ANXA3: variants seen among roughly 807,000 people sequenced by gnomAD.
ANXA3 encodes annexin A3, also known as 35-alpha calcimedin.
In ANXA3, 46 loss-of-function variants were observed where a neutral mutation model predicts 48.8. The observed-to-expected ratio is 0.94, with a 90% CI of 0.74 to 1.21. The LOEUF (loss-of-function observed/expected upper bound fraction) is 1.21, where lower values mean the gene tolerates loss of function less well. ANXA3 is among the 50% of genes most tolerant of loss of function. The pLI is 0.00. For synonymous variants in ANXA3, 128 were observed against 134.7 expected, an observed-to-expected ratio of 0.95 and a Z score of 0.35; for missense variants, 383 against 378.6, an observed-to-expected ratio of 1.01 and a Z score of -0.10.
intron 11 of ANXA3, chr4:78,603,439 G>A (rs1362308966): frequency 6.6e-6 from 1 of 152,082 alleles, no homozygotes; most frequent in Non-Finnish European, 1.5e-5. Context: ...ATTTACATAA[G>A]CAACTCTCAA....
At chr4:78,562,561 A>G (rs1722647591) in intron 2 of ANXA3, among the ~76,000 whole-genome samples, 1 of 152,236 alleles carries the variant, frequency 6.6e-6, no homozygotes, top group South Asian at 2.1e-4. Flanking sequence ...GCAGAACAAG[A>G]AAGCATTTTT....
At chr4:78,555,048 A>G (rs571728947) in intron 2 of ANXA3, among the ~76,000 whole-genome samples, 3 of 152,288 alleles carry the variant, frequency 2.0e-5, no homozygotes, top group African/African-American at 4.8e-5. Context: ...TCTACTAGAA[A>G]TACAAAAATA....
At chr4:78,566,324 C>T (rs1053690599) in intron 2 of ANXA3, among the ~76,000 whole-genome samples, 26 of 152,130 alleles carry the variant, frequency 1.7e-4, no homozygotes, top group Admixed American at 8.5e-4. Context: ...CTGACACTGC[C>T]CTGATGATGA....
At chr4:78,597,446 C>G in intron 10 of ANXA3, 32 bp downstream of exon 10, 1 of 1,421,092 alleles carries the variant, frequency 7.0e-7, no homozygotes, top group South Asian at 1.2e-5. Context: ...AACTAAGTTA[C>G]TTTGCACTTG....
chr4:78,583,053 G>A (rs1207765385), intron 5 of ANXA3, among the ~76,000 whole-genome samples: 1 of 152,088 alleles, frequency 6.6e-6, no homozygotes, highest in African/African-American at 2.4e-5. Context: ...AAGATTTATT[G>A]TAAGGCCAGG....
At chr4:78,556,905 G>A (rs1175550602) in intron 2 of ANXA3, among the ~76,000 whole-genome samples, 2 of 151,996 alleles carry the variant, frequency 1.3e-5, no homozygotes, top group Non-Finnish European at 2.9e-5. Context: ...TGTGATCAAG[G>A]GTGTATTCAT....
intron 5 of ANXA3, among the ~76,000 whole-genome samples, chr4:78,585,835 C>T (rs1359029095): frequency 6.6e-6 from 1 of 152,190 alleles, no homozygotes; most frequent in Non-Finnish European, 1.5e-5. Flanking sequence ...ATTTGAAAGG[C>T]TCCCTGTATG....
intron 1 of ANXA3, 65 bp from the exon 2 acceptor site, chr4:78,554,371 G>A (rs1173738570): frequency 4.5e-6 from 5 of 1,121,872 alleles, no homozygotes; most frequent in South Asian, 3.8e-5. Context: ...ATTAAGGGTT[G>A]GACTAAGATT....
intron 4 of ANXA3, among the ~76,000 whole-genome samples, chr4:78,581,734 T>A (rs1192602212): frequency 1.3e-5 from 2 of 152,328 alleles, no homozygotes; most frequent in African/African-American, 2.4e-5. Flanking sequence ...CAGAGACAAA[T>A]GACCAGCCAC....
intron 12 of ANXA3, among the ~76,000 whole-genome samples, chr4:78,604,892 G>A (rs58089913): frequency 0.11 from 16,856 of 152,138 alleles, 1,572 homozygotes; most frequent in East Asian, 0.28. Flanking sequence ...AACAAACAGA[G>A]GCTTCCAGTT....
At chr4:78,601,661 T>C in intron 11 of ANXA3, 93 bp downstream of exon 11, 1 of 1,073,642 alleles carries the variant, frequency 9.3e-7, no homozygotes. Context: ...AAATTAGTTA[T>C]TTTAATGTAA....
At chr4:78,575,083 T>G (rs757292820) in intron 3 of ANXA3, among the ~76,000 whole-genome samples, 40 of 152,226 alleles carry the variant, frequency 2.6e-4, no homozygotes, top group Non-Finnish European at 4.7e-4. Flanking sequence ...TTATACTGCA[T>G]GTGTGTTTGT....
At chr4:78,565,487 A>C (rs1258236022) in intron 2 of ANXA3, among the ~76,000 whole-genome samples, 1 of 152,206 alleles carries the variant, frequency 6.6e-6, no homozygotes, top group East Asian at 1.9e-4. Context: ...TTGCTGATAG[A>C]TGGAATTCAG....
At chr4:78,569,319 CACTG>C (rs1223083097) in intron 2 of ANXA3, among the ~76,000 whole-genome samples, 2 of 152,042 alleles carry the variant, frequency 1.3e-5, no homozygotes, top group Admixed American at 6.5e-5. Context: ...TCTACGCTAG[CACTG>C]ACTATGTTAG....
intron 2 of ANXA3, among the ~76,000 whole-genome samples, chr4:78,569,219 A>G (rs1321571379): frequency 6.6e-6 from 1 of 152,216 alleles, no homozygotes; most frequent in African/African-American, 2.4e-5. Flanking sequence ...AAAGGAAAGC[A>G]ACTAAATGTG....
At position 78,595,453 on chromosome 4, in the gene ANXA3, G is replaced by A; in HGVS notation, c.540+16G>A. 2 of 1,612,484 alleles carry A rather than the reference G, an allele frequency of 1.2e-6. No homozygotes were observed. The highest frequency in any genetic ancestry group is 1.3e-5 in the African/African-American group (1 of 74,900). ...AGATGCCCAGGTCAGTAACAAAGCG[G>A]GAAAACATTTCCTTTACCTATTCTC... On this transcript the variant is annotated intron_variant, in intron 8 of 12. Coordinates refer to ENST00000264908, the MANE Select transcript of ANXA3 (RefSeq NM_005139.3).
intron 2 of ANXA3, among the ~76,000 whole-genome samples, chr4:78,559,285 G>A (rs1722578875): frequency 6.6e-6 from 1 of 152,080 alleles, no homozygotes; most frequent in African/African-American, 2.4e-5. Flanking sequence ...AATTCACTGT[G>A]TTGCCCAGGC....
At chr4:78,604,427 C>T in intron 12 of ANXA3, 28 bp downstream of exon 12, 1 of 1,576,252 alleles carries the variant, frequency 6.3e-7, no homozygotes, top group South Asian at 1.1e-5. Context: ...AATAGCAAAA[C>T]ATATTTTGCC....
rs111802701 is a variant in ANXA3, at chr4:78,561,229, G to T, written c.15+6741G>T. ...TGATCAAGTGTTCATGGTGAGAGAA[G>T]GCACAGCCCCCCTTCCCTCCCGAAC... On this transcript the variant is annotated intron_variant, in intron 2 of 12. Coordinates refer to ENST00000264908, the MANE Select transcript of ANXA3 (RefSeq NM_005139.3). 3.6e-3 allele frequency among the ~76,000 whole-genome samples: 548 copies of T among 152,230 alleles called. 2 individuals carry two copies. Among genetic ancestry groups the T allele is most frequent in the African/African-American group, 0.012 (518 of 41,524 alleles).
Sources: gnomAD v4.1 joint callset for allele counts (sites outside exome capture counted in the v4.1 genomes callset) on GRCh38, gnomAD v4.1.1 for gene constraint, MANE v1.5 for transcripts, NCBI Gene and HGNC (gene_info 2026-07-23, HGNC 2026-07-21) for gene names.